RARS2: variants seen among roughly 807,000 people sequenced by gnomAD.
RARS2 encodes the protein arginyl-tRNA synthetase 2, mitochondrial.
RARS2 carries 67 observed loss-of-function variants against 88.5 expected under a neutral mutation model. The ratio of observed to expected loss-of-function variants is 0.76; its 90% CI spans 0.62 to 0.93. The LOEUF (loss-of-function observed/expected upper bound fraction) is 0.93, where lower values mean the gene tolerates loss of function less well. Ranked by LOEUF, RARS2 falls within the 40% of genes least tolerant of loss-of-function variation. The pLI is 0.00. For synonymous variants in RARS2, 239 were observed against 230.3 expected (o/e 1.04, Z -0.34); for missense variants, 664 against 684.2 (o/e 0.97, Z 0.33).
chr6:87,588,472 A>G (rs1051156068), intron 1 of RARS2, among the ~76,000 whole-genome samples: 1 of 152,104 alleles, frequency 6.6e-6, no homozygotes, highest in Admixed American at 6.5e-5. Flanking sequence ...GGTCCGTCCA[A>G]GTGATCCTCC....
intron 8 of RARS2, among the ~76,000 whole-genome samples, chr6:87,538,985 G>A (rs1327032280): frequency 1.3e-5 from 2 of 151,948 alleles, no homozygotes; most frequent in Non-Finnish European, 2.9e-5. Context: ...AGTGAGCCGT[G>A]ATTGTGCCAC....
chr6:87,548,257 C>A (rs781429550), intron 6 of RARS2, among the ~76,000 whole-genome samples: 6 of 152,082 alleles, frequency 3.9e-5, no homozygotes, highest in Non-Finnish European at 8.8e-5. Context: ...ACAAAAAAAT[C>A]TGAAAGGTTA....
intron 8 of RARS2, among the ~76,000 whole-genome samples, chr6:87,533,544 T>C (rs1266370017): frequency 6.6e-6 from 1 of 152,206 alleles, no homozygotes; most frequent in African/African-American, 2.4e-5. Context: ...GGCTTCATAA[T>C]AAGGCAGCAT....
intron 5 of RARS2, among the ~76,000 whole-genome samples, chr6:87,549,771 A>G (rs1783781470): frequency 1.3e-5 from 2 of 152,194 alleles, no homozygotes; most frequent in Admixed American, 6.5e-5. Flanking sequence ...TTTAATACTC[A>G]TATGTGCTTT....
chr6:87,585,729 C>A (rs973267269), intron 1 of RARS2, among the ~76,000 whole-genome samples: 2 of 135,564 alleles, frequency 1.5e-5, no homozygotes, highest in African/African-American at 5.9e-5. Context: ...AAGACTCCAT[C>A]TCAAAATAAA....
chr6:87,564,556 C>A (rs1767261330), intron 2 of RARS2: 1 of 373,238 alleles, frequency 2.7e-6, no homozygotes, highest in Non-Finnish European at 5.1e-6. Context: ...ACAATCCCAG[C>A]TGCTTGGGAG....
rs115842742 is a variant in RARS2, at chr6:87,520,452, G to A, written c.1036-196C>T. 1.7e-3 allele frequency among the ~76,000 whole-genome samples: 266 copies of A among 152,198 alleles called. 1 individual carries two copies. In the Middle Eastern group the frequency reaches 0.02, roughly 12 times the overall value. ...TGCTCTACAAGGGAGGGAAATAAGA[G>A]CCATACAACTCCACCGAGTCAGTAG... is the stretch of plus-strand genomic sequence containing the variant. On this transcript the variant is annotated intron_variant, in intron 12 of 19. Coordinates refer to ENST00000369536, the MANE Select transcript of RARS2 (RefSeq NM_020320.5).
intron 1 of RARS2, among the ~76,000 whole-genome samples, chr6:87,588,012 G>A (rs1309825075): frequency 6.6e-6 from 1 of 152,132 alleles, no homozygotes. Flanking sequence ...CAGTTCAAGG[G>A]ATCCTCCCAC....
intron 12 of RARS2, 94 bp downstream of exon 12, chr6:87,521,370 G>T: frequency 1.0e-6 from 1 of 962,654 alleles, no homozygotes; most frequent in Non-Finnish European, 1.6e-6. Context: ...ACTTCTCTCT[G>T]TAGTTTTCCA....
At position 87,552,543 on chromosome 6, in the gene RARS2, T is replaced by C. The variant is rs183382082; in HGVS notation, c.395+2865A>G. On this transcript the variant is annotated intron_variant, in intron 5 of 19. Coordinates refer to ENST00000369536, the MANE Select transcript of RARS2 (RefSeq NM_020320.5). Reference sequence around the variant, plus strand: ...TGCTTTAGAAAAAAGCTAAGAGAGGTAAATCCATAAGCAAATTAACTGCCA... The same window carrying C: ...TGCTTTAGAAAAAAGCTAAGAGAGGCAAATCCATAAGCAAATTAACTGCCA... Among the ~76,000 whole-genome samples the C allele has an allele frequency of 3.7e-4, 57 of 152,078 alleles. No homozygotes were observed. In the East Asian group the frequency reaches 0.011, roughly 28 times the overall value.
intron 1 of RARS2, among the ~76,000 whole-genome samples, chr6:87,573,446 A>G (rs539829503): frequency 2.0e-5 from 3 of 152,324 alleles, no homozygotes; most frequent in Non-Finnish European, 2.9e-5. Flanking sequence ...GAGCCAAACT[A>G]TATCAGTATA....
intron 1 of RARS2, among the ~76,000 whole-genome samples, chr6:87,574,284 C>G (rs774254129): frequency 3.9e-5 from 6 of 152,076 alleles, no homozygotes; most frequent in Non-Finnish European, 8.8e-5. Flanking sequence ...AATATCAGGG[C>G]TAGTTTGCAA....
intron 2 of RARS2, among the ~76,000 whole-genome samples, chr6:87,566,924 C>A (rs986053890): frequency 1.7e-4 from 26 of 150,504 alleles, no homozygotes; most frequent in Non-Finnish European, 2.5e-4. Flanking sequence ...CTGAGCCAGG[C>A]ATGGTGGCTC....
intron 8 of RARS2, among the ~76,000 whole-genome samples, chr6:87,533,194 A>G (rs1217758922): frequency 6.6e-6 from 1 of 152,114 alleles, no homozygotes; most frequent in Non-Finnish European, 1.5e-5. Context: ...TTAAAAATCT[A>G]TTATGCATTA....
intron 11 of RARS2, 45 bp downstream of exon 11, chr6:87,524,509 AAGC>A: frequency 7.2e-7 from 1 of 1,385,792 alleles, no homozygotes; most frequent in Non-Finnish European, 1.0e-6. Context: ...TTTCATCTGA[AAGC>A]AACAGATTTA....
intron 8 of RARS2, among the ~76,000 whole-genome samples, chr6:87,539,035 CATAAATAA>C (rs549298985): frequency 7.1e-6 from 1 of 140,206 alleles, no homozygotes. Flanking sequence ...TCCTGTCTCA[CATAAATAA>C]ATAAATAAAT....
In RARS2 at chr6:87,536,308, A is replaced by G. The variant is rs1389325717; in HGVS notation, c.613-5366T>C. Reference sequence around the variant, plus strand: ...AAATGATGACACCCTCATATCCATGATTCAGATTTAACACTTGTTAACTTT... The same window carrying G: ...AAATGATGACACCCTCATATCCATGGTTCAGATTTAACACTTGTTAACTTT... On this transcript the variant is annotated intron_variant, in intron 8 of 19. Transcript: ENST00000369536. 2.0e-5 allele frequency among the ~76,000 whole-genome samples: 3 copies of G among 152,200 alleles called. No homozygotes were observed. The East Asian group carries it at 5.8e-4, about 29-fold the overall frequency.
At chr6:87,569,263 TTA>T (rs1247241701) in intron 2 of RARS2, among the ~76,000 whole-genome samples, 1 of 152,186 alleles carries the variant, frequency 6.6e-6, no homozygotes, top group African/African-American at 2.4e-5. Flanking sequence ...TTTGCCACAA[TTA>T]TAGTTACTAG....
chr6:87,559,463 CAAAAAA>C (rs753856335), intron 4 of RARS2, among the ~76,000 whole-genome samples: 15 of 93,294 alleles, frequency 1.6e-4, no homozygotes, highest in Admixed American at 1.1e-3. Flanking sequence ...AACTCTGTCT[CAAAAAA>C]AAAAAAAAAA....
Sources: allele counts gnomAD v4.1 joint callset (sites outside exome capture counted in the v4.1 genomes callset), GRCh38; gene constraint gnomAD v4.1.1; transcripts MANE v1.5; gene names NCBI Gene and HGNC (gene_info 2026-07-23, HGNC 2026-07-21).